The following PLCL1 variants were observed in gnomAD, a reference collection of about 807,000 sequenced individuals.
The protein encoded by PLCL1 is phospholipase C like 1 (inactive).
Under a neutral mutation model 84.4 loss-of-function variants are expected in PLCL1, and 41 were observed. That is an observed-to-expected ratio of 0.49 (90% confidence interval 0.38 to 0.63). The LOEUF (loss-of-function observed/expected upper bound fraction) is 0.63. Among genes scored for constraint, PLCL1 ranks in the 30% least tolerant of loss-of-function variants. The probability of loss-of-function intolerance (pLI) is 0.00; values close to 1 mark genes in which losing one functional copy is unlikely to be tolerated. For missense variants in PLCL1, 1,206 were observed against 1,367.8 expected (o/e 0.88, Z 1.87); for synonymous variants, 490 against 488.3 (o/e 1.00, Z -0.05).
chr2:197,979,134 C>A (rs1446397516), intron 1 of PLCL1, among the ~76,000 whole-genome samples: 1 of 152,140 alleles, frequency 6.6e-6, no homozygotes, highest in Non-Finnish European at 1.5e-5. Context: ...GACCTATGAT[C>A]TCACGAAAGC....
Position 198,085,176 on chromosome 2 carries a change from A to G in PLCL1, c.1659A>G (p.Gly553=). 1 of 1,613,822 alleles carries G rather than the reference A, an allele frequency of 6.2e-7. No homozygotes were observed. ...KLPSDPDVLE[G]EVTDEDEEAE... Reference sequence around the variant, plus strand: ...CTTCTGATCCAGATGTGTTAGAAGGAGAAGTAACAGATGAAGATGAAGAAG... The same window carrying G: ...CTTCTGATCCAGATGTGTTAGAAGGGGAAGTAACAGATGAAGATGAAGAAG... The change falls in exon 2 of 6, where the codon GGA becomes GGG. Residue 553 remains glycine, a synonymous_variant. Coordinates refer to ENST00000428675, the MANE Select transcript of PLCL1 (RefSeq NM_006226.4). The surrounding 1 kb of genome is among the most constrained non-coding windows in gnomAD (Gnocchi z 5.3).
At chr2:198,031,351 G>A (rs1269414667) in intron 1 of PLCL1, among the ~76,000 whole-genome samples, 2 of 152,022 alleles carry the variant, frequency 1.3e-5, no homozygotes, top group African/African-American at 4.8e-5. Context: ...CTGGGCAACA[G>A]AGCAAGAGGC....
chr2:197,969,431 G>T (rs1469317350), intron 1 of PLCL1, among the ~76,000 whole-genome samples: 2 of 152,112 alleles, frequency 1.3e-5, no homozygotes, highest in East Asian at 3.9e-4. Flanking sequence ...ACAGTTCCAG[G>T]CAAGTGCTAT....
chr2:198,074,544 G>A (rs1441255957), intron 1 of PLCL1, among the ~76,000 whole-genome samples: 1 of 152,148 alleles, frequency 6.6e-6, no homozygotes, highest in Non-Finnish European at 1.5e-5. Context: ...AAACTGAAAA[G>A]TCGAGAATGG....
chr2:197,975,633 C>CA (rs1376135635), intron 1 of PLCL1, among the ~76,000 whole-genome samples: 2 of 151,922 alleles, frequency 1.3e-5, no homozygotes, highest in Non-Finnish European at 2.9e-5. Context: ...GTGAGACCCC[C>CA]CCATCTCTAA....
intron 1 of PLCL1, among the ~76,000 whole-genome samples, chr2:197,969,922 T>C (rs906518984): frequency 6.6e-6 from 1 of 152,184 alleles, no homozygotes; most frequent in Non-Finnish European, 1.5e-5. Flanking sequence ...ACTAGAAATA[T>C]ACTTTTGATT....
At chr2:197,903,342 C>G (rs187866919) in intron 1 of PLCL1, among the ~76,000 whole-genome samples, 1 of 152,214 alleles carries the variant, frequency 6.6e-6, no homozygotes, top group East Asian at 1.9e-4. Flanking sequence ...CCCAGTTTGC[C>G]TACTCCTGCT....
chr2:198,125,340 T>C (rs1202240645), intron 5 of PLCL1, among the ~76,000 whole-genome samples: 2 of 152,070 alleles, frequency 1.3e-5, no homozygotes, highest in African/African-American at 4.8e-5. Context: ...TTTGTATGTA[T>C]GAGCAATTTG....
intron 1 of PLCL1, among the ~76,000 whole-genome samples, chr2:197,817,511 C>A (rs1196848112): frequency 6.6e-6 from 1 of 151,958 alleles, no homozygotes; most frequent in Non-Finnish European, 1.5e-5. Context: ...AACTCCTGGG[C>A]TTAAGGGATC....
chr2:197,824,359 T>A (rs1294398396), intron 1 of PLCL1, among the ~76,000 whole-genome samples: 2 of 152,014 alleles, frequency 1.3e-5, no homozygotes, highest in Non-Finnish European at 2.9e-5. Flanking sequence ...GACTTCATAC[T>A]CCTTTTTTTT....
chr2:198,101,655 C>T (rs924024345), intron 4 of PLCL1, among the ~76,000 whole-genome samples: 5 of 151,936 alleles, frequency 3.3e-5, no homozygotes, highest in African/African-American at 4.8e-5. Flanking sequence ...CCATCAAAAC[C>T]TTCTACTGCT....
intron 5 of PLCL1, among the ~76,000 whole-genome samples, chr2:198,114,855 A>G (rs929366611): frequency 6.6e-6 from 1 of 151,738 alleles, no homozygotes; most frequent in Non-Finnish European, 1.5e-5. Flanking sequence ...ACACACATAT[A>G]TGGTATGCAC....
intron 1 of PLCL1, among the ~76,000 whole-genome samples, chr2:197,932,270 G>T (rs1688950675): frequency 6.6e-6 from 1 of 152,152 alleles, no homozygotes; most frequent in Admixed American, 6.6e-5. Context: ...GATGGTTTAG[G>T]AATTGCTGTC....
At chr2:198,094,169 C>T (rs773074375) in intron 3 of PLCL1, among the ~76,000 whole-genome samples, 1 of 152,158 alleles carries the variant, frequency 6.6e-6, no homozygotes, top group Non-Finnish European at 1.5e-5. Flanking sequence ...TCATGCCATT[C>T]TCCTGCCTCC....
At chr2:198,118,343 G>C (rs773588591) in intron 5 of PLCL1, among the ~76,000 whole-genome samples, 9 of 151,876 alleles carry the variant, frequency 5.9e-5, no homozygotes, top group Non-Finnish European at 1.2e-4. Context: ...GCATAATTTT[G>C]TTCTAGAGAT....
At chr2:198,025,415 G>C (rs2105843768) in intron 1 of PLCL1, among the ~76,000 whole-genome samples, 1 of 151,464 alleles carries the variant, frequency 6.6e-6, no homozygotes, top group East Asian at 1.9e-4. Flanking sequence ...ACATTCTGAA[G>C]ATCATTTTAT....
rs56070622 is a variant in PLCL1 at position 197,817,221 on chromosome 2, ATT to A, written c.240+11891_240+11892del. On this transcript the variant is annotated intron_variant, in intron 1 of 5. Coordinates refer to ENST00000428675, the MANE Select transcript of PLCL1 (RefSeq NM_006226.4). ...TATTTGGTCACATTCTCTTAAAGTG[ATT>A]TTTTTTTTCTTGTCCAAAAAGAAAG... Among the ~76,000 whole-genome samples, 13 of 151,114 alleles carry A rather than the reference ATT, an allele frequency of 8.6e-5. 1 individual carries two copies. In the South Asian group the frequency reaches 1.9e-3, roughly 22 times the overall value.
chr2:197,824,433 T>G (rs1411003299), intron 1 of PLCL1, among the ~76,000 whole-genome samples: 1 of 151,898 alleles, frequency 6.6e-6, no homozygotes, highest in African/African-American at 2.4e-5. Context: ...GAATGAAAAC[T>G]TAAGTATTTA....
chr2:197,919,045 G>A (rs112579916), intron 1 of PLCL1, among the ~76,000 whole-genome samples: 2 of 151,066 alleles, frequency 1.3e-5, no homozygotes, highest in Non-Finnish European at 1.5e-5. Flanking sequence ...AGTGTTAAAA[G>A]ATTTTACTTA....
Sources: gnomAD v4.1 joint callset for allele counts (sites outside exome capture counted in the v4.1 genomes callset) on GRCh38, gnomAD v4.1.1 for gene constraint, Gnocchi (gnomAD v3.1) non-coding constraint, MANE v1.5 for transcripts, NCBI Gene and HGNC (gene_info 2026-07-23, HGNC 2026-07-21) for gene names.